Variants in MAP2K5 observed in about 807,000 individuals in gnomAD.
MAP2K5 encodes the protein dual specificity mitogen-activated protein kinase kinase 5.
In MAP2K5, 49 loss-of-function variants were observed where a neutral mutation model predicts 83.1. The ratio of observed to expected loss-of-function variants is 0.59; its 90% confidence interval spans 0.47 to 0.75. The LOEUF (loss-of-function observed/expected upper bound fraction) is 0.75, where lower values mean the gene tolerates loss of function less well. Ranked by LOEUF, MAP2K5 falls within the 30% of genes least tolerant of loss-of-function variation. The pLI, the probability that MAP2K5 is intolerant of heterozygous loss-of-function variation, is 0.00. For synonymous variants in MAP2K5, 202 were observed against 191.8 expected, an observed-to-expected ratio of 1.05 and a Z score of -0.44; for missense variants, 457 against 557.5, an observed-to-expected ratio of 0.82 and a Z score of 1.82.
intron 21 of MAP2K5, among the ~76,000 whole-genome samples, chr15:67,792,104 A>T (rs966957270): frequency 6.6e-6 from 1 of 152,200 alleles, no homozygotes; most frequent in Non-Finnish European, 1.5e-5. Context: ...ATTGCTTAGA[A>T]CAGTGGTGGG....
chr15:67,643,740 C>T (rs574997027), intron 9 of MAP2K5, among the ~76,000 whole-genome samples: 41 of 152,148 alleles, frequency 2.7e-4, no homozygotes, highest in South Asian at 1.0e-3. Flanking sequence ...TGAGCCACCG[C>T]GCCCAGCTGC....
intron 16 of MAP2K5, among the ~76,000 whole-genome samples, chr15:67,707,222 G>A (rs766637984): frequency 2.6e-5 from 4 of 152,234 alleles, no homozygotes; most frequent in South Asian, 2.1e-4. Flanking sequence ...GCTGGTTCTT[G>A]TTTTTTCTTA....
intron 6 of MAP2K5, among the ~76,000 whole-genome samples, chr15:67,590,319 G>A (rs11071955): frequency 0.98 from 149,123 of 152,236 alleles, 73,118 homozygotes; most frequent in Middle Eastern, 1. Context: ...TATTAAAGGT[G>A]CCAAATGGAA....
intron 13 of MAP2K5, among the ~76,000 whole-genome samples, chr15:67,666,795 A>G (rs2087391957): frequency 6.6e-6 from 1 of 152,210 alleles, no homozygotes; most frequent in Admixed American, 6.6e-5. Flanking sequence ...TTGGGGACAC[A>G]GTAGGAACAG....
At chr15:67,613,552 G>GC (rs1490695197) in intron 8 of MAP2K5, among the ~76,000 whole-genome samples, 2 of 152,076 alleles carry the variant, frequency 1.3e-5, no homozygotes, top group Non-Finnish European at 2.9e-5. Flanking sequence ...CTCTGCATCT[G>GC]CCCCCTGGAA....
chr15:67,646,500 A>G (rs1417114673), intron 11 of MAP2K5, 31 bp downstream of exon 11: 1 of 1,346,274 alleles, frequency 7.4e-7, no homozygotes, highest in Non-Finnish European at 1.0e-6. Flanking sequence ...TACTTTTAAA[A>G]TGATTTTTAG....
At chr15:67,771,893 A>G (rs1566959189) in intron 20 of MAP2K5, among the ~76,000 whole-genome samples, 1 of 152,188 alleles carries the variant, frequency 6.6e-6, no homozygotes. Context: ...TCTTTTCATG[A>G]CTATCCCATG....
chr15:67,544,000 T>C lies in MAP2K5; in HGVS notation c.135+530T>C, dbSNP rs34858114. ...ATCTCGGCTCACTGCAGCCTCTGCC[T>C]CCTGGGCTCAAGCGATTCTCCTACC... is the stretch of plus-strand genomic sequence containing the variant. On this transcript the variant is annotated intron_variant, in intron 1 of 21. Coordinates refer to ENST00000178640, the MANE Select transcript of MAP2K5 (RefSeq NM_145160.3). The surrounding 1 kb of genome is among the most constrained non-coding windows in gnomAD (Gnocchi z 4.3). Among the ~76,000 whole-genome samples the C allele has an allele frequency of 0.43, 64,864 of 152,176 alleles. 14,744 individuals carry two copies. Among genetic ancestry groups the C allele is most frequent in the Non-Finnish European group, 0.51 (35,004 of 68,002 alleles).
intron 21 of MAP2K5, among the ~76,000 whole-genome samples, chr15:67,787,121 A>G (rs2090433032): frequency 6.7e-6 from 1 of 149,088 alleles, no homozygotes. Flanking sequence ...TGGCTGTTCA[A>G]TGATAGATAG....
At chr15:67,703,431 C>T (rs1300551019) in intron 16 of MAP2K5, 23 bp downstream of exon 16, 1 of 1,559,554 alleles carries the variant, frequency 6.4e-7, no homozygotes, top group South Asian at 1.1e-5. Context: ...CACATAGACG[C>T]TTCTGTGCAT....
chr15:67,769,721 C>A lies in MAP2K5; in HGVS notation c.1196+58C>A. On this transcript the variant is annotated intron_variant, in intron 20 of 21. Coordinates refer to ENST00000178640, the MANE Select transcript of MAP2K5 (RefSeq NM_145160.3). This position sits in a 1 kb window ranked among gnomAD's most constrained non-coding sequence, Gnocchi z 5.2. The stretch of plus-strand genomic sequence containing the variant: ...ATGTAAATGATACATGCCATTAACT[C>A]GGCAGCTCCGTGAGACCTTATGGCT... 6.4e-7 allele frequency: 1 copy of A among 1,555,970 alleles called. No individual in the cohort carries two copies. Among genetic ancestry groups the A allele is most frequent in the Non-Finnish European group, 8.9e-7 (1 of 1,129,152 alleles).
rs934375808 is a variant in MAP2K5 at position 67,669,093 on chromosome 15, C to T, written c.847+4448C>T. On this transcript the variant is annotated intron_variant, in intron 13 of 21. Coordinates refer to ENST00000178640, the MANE Select transcript of MAP2K5 (RefSeq NM_145160.3). ...TTTCCAATTAGTGCTACCTTAGATA[C>T]CAAAGCCAGTGTTAGTTTGATCATT... 2.6e-5 allele frequency among the ~76,000 whole-genome samples: 4 copies of T among 152,040 alleles called. No homozygotes were observed. The South Asian group carries it at 8.3e-4, about 32-fold the overall frequency.
intron 13 of MAP2K5, among the ~76,000 whole-genome samples, chr15:67,678,572 T>C (rs1475404591): frequency 1.3e-5 from 2 of 152,178 alleles, no homozygotes; most frequent in Non-Finnish European, 2.9e-5. Flanking sequence ...CTGATGTGAA[T>C]AGGTCACAAC....
At chr15:67,716,674 G>C (rs1034637862) in intron 16 of MAP2K5, among the ~76,000 whole-genome samples, 1 of 152,204 alleles carries the variant, frequency 6.6e-6, no homozygotes, top group Non-Finnish European at 1.5e-5. Context: ...CAGTGAGGAA[G>C]CTGGTCTCCA....
At chr15:67,680,245 T>C (rs562468575) in intron 13 of MAP2K5, among the ~76,000 whole-genome samples, 1 of 152,316 alleles carries the variant, frequency 6.6e-6, no homozygotes, top group African/African-American at 2.4e-5. Flanking sequence ...TTTGGCATTG[T>C]ATCCACTTTG....
Position 67,758,223 on chromosome 15 carries a change from G to A in MAP2K5, c.1134+9622G>A, listed in dbSNP as rs2089877957. Among the ~76,000 whole-genome samples, 1 of 152,064 alleles carries A rather than the reference G, an allele frequency of 6.6e-6. No individual in the cohort carries two copies. The highest frequency in any genetic ancestry group is 1.5e-5 in the Non-Finnish European group (1 of 68,006). On this transcript the variant is annotated intron_variant, in intron 19 of 21. Transcript: ENST00000178640. The surrounding 1 kb of genome is among the most constrained non-coding windows in gnomAD (Gnocchi z 4.7). ...TCAGAAATTGGAGGGGTTTAATCAG[G>A]ACAGCCTTAGCATGTTTGAAGGGTA...
At chr15:67,689,652 G>T (rs897264584) in intron 13 of MAP2K5, among the ~76,000 whole-genome samples, 2 of 152,190 alleles carry the variant, frequency 1.3e-5, no homozygotes, top group African/African-American at 4.8e-5. Context: ...ATGTTAAAAA[G>T]ATGTTGGAAA....
chr15:67,768,398 T>C lies in MAP2K5; in HGVS notation c.1135-1204T>C, dbSNP rs966490911. On this transcript the variant is annotated intron_variant, in intron 19 of 21. Transcript: ENST00000178640. This position sits in a 1 kb window ranked among gnomAD's most constrained non-coding sequence, Gnocchi z 4.0. ...CCTCTCGTTCTCAATAATGAATACA[T>C]GCATGCATTTGACACAGTTGTGTGC... Among the ~76,000 whole-genome samples the C allele has an allele frequency of 7.2e-5, 11 of 152,200 alleles. No homozygotes were observed. The highest frequency in any genetic ancestry group is 2.0e-4 in the Admixed American group (3 of 15,276).
intron 3 of MAP2K5, among the ~76,000 whole-genome samples, chr15:67,579,439 C>CA (rs913923873): frequency 6.6e-6 from 1 of 152,174 alleles, no homozygotes; most frequent in African/African-American, 2.4e-5. Context: ...TCCTGAAAGA[C>CA]ATTTGCCTTA....
Sources: gnomAD v4.1 joint callset for allele counts (sites outside exome capture counted in the v4.1 genomes callset) on GRCh38, gnomAD v4.1.1 for gene constraint, Gnocchi (gnomAD v3.1) non-coding constraint, MANE v1.5 for transcripts, NCBI Gene and HGNC (gene_info 2026-07-23, HGNC 2026-07-21) for gene names.